TRDN: variants seen among roughly 807,000 people sequenced by gnomAD.
TRDN encodes the protein triadin in skeletal muscle.
In TRDN, 161 loss-of-function variants were observed where a neutral mutation model predicts 149.7. That is an observed-to-expected ratio of 1.08 (90% CI 0.95 to 1.23). TRDN has a LOEUF of 1.23. TRDN is among the 50% of genes most tolerant of loss of function. The pLI is 0.00. For synonymous variants in TRDN, 294 were observed against 250.5 expected (o/e 1.17, Z -1.64); for missense variants, 896 against 823.5 (o/e 1.09, Z -1.08).
chr6:123,337,086 C>A (rs1449313557), intron 22 of TRDN, among the ~76,000 whole-genome samples: 2 of 151,926 alleles, frequency 1.3e-5, no homozygotes, highest in Non-Finnish European at 1.5e-5. Flanking sequence ...CATGCTTTTT[C>A]ATAGCAATAT....
chr6:123,559,429 T>A (rs1188448902), intron 2 of TRDN, among the ~76,000 whole-genome samples: 1 of 152,094 alleles, frequency 6.6e-6, no homozygotes, highest in Non-Finnish European at 1.5e-5. Context: ...CCCTGACTAT[T>A]CCTGGATTAC....
intron 1 of TRDN, among the ~76,000 whole-genome samples, chr6:123,616,673 C>A (rs1417698725): frequency 6.6e-6 from 1 of 152,182 alleles, no homozygotes; most frequent in Admixed American, 6.5e-5. Flanking sequence ...GGTATGTCTA[C>A]ATTCTGCCCT....
chr6:123,565,797 C>T (rs968657838), intron 2 of TRDN, among the ~76,000 whole-genome samples: 3 of 152,308 alleles, frequency 2.0e-5, no homozygotes, highest in East Asian at 3.9e-4. Context: ...GCCAGGTGCG[C>T]GTGCAGTTCC....
At chr6:123,447,909 C>T (rs778032047) in intron 10 of TRDN, among the ~76,000 whole-genome samples, 3 of 152,102 alleles carry the variant, frequency 2.0e-5, no homozygotes, top group Admixed American at 6.6e-5. Flanking sequence ...CCTCAAATAC[C>T]GAGAGTGCCC....
chr6:123,525,612 T>C (rs996465368), intron 5 of TRDN, among the ~76,000 whole-genome samples: 11 of 152,116 alleles, frequency 7.2e-5, no homozygotes, highest in African/African-American at 2.6e-4. Context: ...ATTTGGGTGA[T>C]GGACACACTA....
chr6:123,367,399 G>A (rs1172080292), intron 19 of TRDN, among the ~76,000 whole-genome samples: 3 of 152,004 alleles, frequency 2.0e-5, no homozygotes, highest in African/African-American at 4.8e-5. Context: ...AATCAAACAA[G>A]GCGAGCCTTT....
chr6:123,324,168 T>C (rs1363958125), intron 23 of TRDN, among the ~76,000 whole-genome samples: 2 of 152,216 alleles, frequency 1.3e-5, no homozygotes, highest in South Asian at 2.1e-4. Context: ...CTTGTTTTTC[T>C]GGGTACCAGT....
chr6:123,221,407 A>G, intron 40 of TRDN, 80 bp downstream of exon 40: 1 of 1,063,724 alleles, frequency 9.4e-7, no homozygotes, highest in African/African-American at 1.6e-5. Context: ...ACTGGTCTTA[A>G]GAGAGTCTAA....
At chr6:123,601,436 C>A (rs1048686961) in intron 1 of TRDN, among the ~76,000 whole-genome samples, 2 of 152,122 alleles carry the variant, frequency 1.3e-5, no homozygotes, top group African/African-American at 4.8e-5. Context: ...GCAGCCCTTT[C>A]TGTACATTGA....
At position 123,255,887 on chromosome 6, in the gene TRDN, T is replaced by G. The variant is rs1582783503; in HGVS notation, c.1886A>C (p.Lys629Thr). The change falls in exon 36 of 41, where the codon AAG becomes ACG. Residue 629 changes from lysine (K) to threonine (T), a missense_variant. Lys to Thr is a moderately conservative substitution (Grantham distance 78). Transcript: ENST00000334268. ...EKESKEKADM[K>T]HLREEKVSTR... ...ATTACCTTTTTCTTCTCTAAGATGC[T>G]TCATGTCTGCTTTTTCTGTATAGAA... 1 of 1,337,504 alleles carries G rather than the reference T, an allele frequency of 7.5e-7. No homozygotes were observed. Among genetic ancestry groups the G allele is most frequent in the East Asian group, 3.0e-5 (1 of 32,796 alleles). 82.9% of individuals were successfully genotyped at this position (1,337,504 alleles called of 1,614,324 possible).
chr6:123,328,423 T>G (rs941675323), intron 23 of TRDN, among the ~76,000 whole-genome samples: 1 of 152,206 alleles, frequency 6.6e-6, no homozygotes, highest in Non-Finnish European at 1.5e-5. Flanking sequence ...TTTTTTCATA[T>G]GATTTGGAAT....
Position 123,465,116 on chromosome 6 carries a change from C to CA in TRDN, c.854-134dup, listed in dbSNP as rs5879683. Reference sequence around the variant, plus strand: ...GCCAAGTATAAATCATATTATTATGCAAAAAAGAAAGCTATTATTAAGGGA... The same window carrying CA: ...GCCAAGTATAAATCATATTATTATGCAAAAAAAGAAAGCTATTATTAAGGGA... On this transcript the variant is annotated intron_variant, in intron 9 of 40. Coordinates refer to ENST00000334268, the MANE Select transcript of TRDN (RefSeq NM_006073.4). 2.3e-4 allele frequency: 219 copies of CA among 971,058 alleles called. 1 individual carries two copies. In the East Asian group the frequency reaches 4.6e-3, roughly 20 times the overall value. The allele number at this position is 971,058 out of a possible 1,614,324, so 60.2% of individuals were successfully genotyped here.
At chr6:123,536,597 T>C (rs559295462) in intron 4 of TRDN, among the ~76,000 whole-genome samples, 1 of 151,670 alleles carries the variant, frequency 6.6e-6, no homozygotes, top group South Asian at 2.1e-4. Flanking sequence ...ACACCTGTAA[T>C]TCCAGCAATT....
intron 24 of TRDN, among the ~76,000 whole-genome samples, chr6:123,289,476 C>T (rs1034737668): frequency 2.0e-5 from 3 of 152,004 alleles, no homozygotes; most frequent in African/African-American, 7.3e-5. Flanking sequence ...CTGGAGGTGG[C>T]ACTCAGACAC....
intron 24 of TRDN, among the ~76,000 whole-genome samples, chr6:123,286,587 G>A (rs1005516960): frequency 6.6e-6 from 1 of 151,796 alleles, no homozygotes; most frequent in South Asian, 2.1e-4. Flanking sequence ...TATACTGCTC[G>A]GGTGATAAGT....
intron 7 of TRDN, among the ~76,000 whole-genome samples, chr6:123,508,884 A>G (rs899001359): frequency 1.2e-4 from 18 of 152,188 alleles, no homozygotes; most frequent in African/African-American, 4.1e-4. Context: ...TTAATGTCAC[A>G]TAGAAGGCTT....
Position 123,377,858 on chromosome 6 carries a change from A to T in TRDN, c.1219+8T>A, listed in dbSNP as rs749762696. 7.6e-6 allele frequency: 12 copies of T among 1,577,386 alleles called. No individual in the cohort carries two copies. Among genetic ancestry groups the T allele is most frequent in the Non-Finnish European group, 6.9e-6 (8 of 1,153,894 alleles). ...ATTGTGAGAACAGAGGAATTTAAAA[A>T]CAGTTACCTGGTTCCACATGTTTTT... On this transcript the variant is annotated splice_region_variant and intron_variant, in intron 17 of 40. Transcript: ENST00000334268.
At chr6:123,307,666 A>G (rs1778662323) in intron 24 of TRDN, among the ~76,000 whole-genome samples, 1 of 151,826 alleles carries the variant, frequency 6.6e-6, no homozygotes, top group Non-Finnish European at 1.5e-5. Flanking sequence ...TACCCCCATG[A>G]CCTTTCTGAG....
chr6:123,254,312 G>A lies in TRDN; in HGVS notation c.1951+769C>T, dbSNP rs555392873. Reference sequence around the variant, plus strand: ...ATTATGAATACATTAATAATTTTACGTGTGAAAGGTATGTCTAGATATGTC... The same window carrying A: ...ATTATGAATACATTAATAATTTTACATGTGAAAGGTATGTCTAGATATGTC... On this transcript the variant is annotated intron_variant, in intron 37 of 40. Transcript: ENST00000334268. Among the ~76,000 whole-genome samples the A allele has an allele frequency of 1.8e-4, 28 of 151,908 alleles. No homozygotes were observed. In the East Asian group the frequency reaches 2.9e-3, roughly 16 times the overall value.
Sources: allele counts gnomAD v4.1 joint callset (sites outside exome capture counted in the v4.1 genomes callset), GRCh38; gene constraint gnomAD v4.1.1; transcripts MANE v1.5; gene names NCBI Gene and HGNC (gene_info 2026-07-23, HGNC 2026-07-21).